NEGR1: variants seen among roughly 807,000 people sequenced by gnomAD.
The protein encoded by NEGR1 is neuronal growth regulator 1.
In NEGR1, 10 loss-of-function variants were observed where a neutral mutation model predicts 40.9. The observed-to-expected ratio is 0.24, with a 90% CI of 0.15 to 0.42. The LOEUF is 0.42. Ranked by LOEUF, NEGR1 falls within the 10% of genes least tolerant of loss-of-function variation. The pLI is 1.00. For missense variants in NEGR1, 352 were observed against 438.9 expected, an observed-to-expected ratio of 0.80 and a Z score of 1.77; for synonymous variants, 185 against 166.8, an observed-to-expected ratio of 1.11 and a Z score of -0.84.
chr1:71,937,135 T>C (rs1645913411), intron 1 of NEGR1, among the ~76,000 whole-genome samples: 2 of 152,116 alleles, frequency 1.3e-5, no homozygotes, highest in Admixed American at 6.6e-5. Flanking sequence ...ACAAGGTACA[T>C]TGCAGAATCT....
chr1:72,239,804 C>A (rs1204193692), intron 1 of NEGR1, among the ~76,000 whole-genome samples: 2 of 151,698 alleles, frequency 1.3e-5, no homozygotes, highest in African/African-American at 4.8e-5. Context: ...TGAGAAAAAT[C>A]TGACTCCTTC....
intron 1 of NEGR1, among the ~76,000 whole-genome samples, chr1:71,966,973 T>C (rs1199667217): frequency 6.6e-6 from 1 of 152,172 alleles, no homozygotes; most frequent in Non-Finnish European, 1.5e-5. Context: ...AATTTTACTA[T>C]AATTTTATAT....
chr1:72,204,407 C>G (rs1653322449), intron 1 of NEGR1, among the ~76,000 whole-genome samples: 1 of 152,024 alleles, frequency 6.6e-6, no homozygotes, highest in Non-Finnish European at 1.5e-5. Flanking sequence ...GAGAGGTAAG[C>G]CATCAGCCAA....
At chr1:71,923,972 G>C (rs567722071) in intron 2 of NEGR1, among the ~76,000 whole-genome samples, 81 of 151,050 alleles carry the variant, frequency 5.4e-4, no homozygotes, top group African/African-American at 1.9e-3. Context: ...GCAGTGGCAC[G>C]ATCACCACTC....
At chr1:71,777,134 T>A (rs1158151998) in intron 2 of NEGR1, among the ~76,000 whole-genome samples, 3 of 152,172 alleles carry the variant, frequency 2.0e-5, no homozygotes, top group Non-Finnish European at 2.9e-5. Context: ...TAAATTTCTA[T>A]ATTCTTTGAG....
intron 4 of NEGR1, among the ~76,000 whole-genome samples, chr1:71,675,546 C>CAGAGAGAGAGAG (rs1557608826): frequency 6.6e-6 from 1 of 151,716 alleles, no homozygotes; most frequent in Admixed American, 6.6e-5. Context: ...GAGAGAAAGA[C>CAGAGAGAGAGAG]AGACAGAGAG....
intron 4 of NEGR1, among the ~76,000 whole-genome samples, chr1:71,661,856 T>C (rs1204843498): frequency 6.6e-6 from 1 of 152,218 alleles, no homozygotes. Flanking sequence ...ATTAGGATTT[T>C]AGCCTCAGGA....
chr1:71,817,402 T>C (rs781146757), intron 2 of NEGR1, among the ~76,000 whole-genome samples: 1 of 152,080 alleles, frequency 6.6e-6, no homozygotes, highest in African/African-American at 2.4e-5. Flanking sequence ...AAAGCTTAGT[T>C]AGACGTTCAT....
At chr1:72,084,177 C>G (rs1181741893) in intron 1 of NEGR1, among the ~76,000 whole-genome samples, 1 of 152,058 alleles carries the variant, frequency 6.6e-6, no homozygotes, top group Admixed American at 6.6e-5. Context: ...TTTAAACACT[C>G]CTTTGAAAGG....
chr1:71,733,499 G>C (rs1037384981), intron 3 of NEGR1, among the ~76,000 whole-genome samples: 2 of 152,152 alleles, frequency 1.3e-5, no homozygotes, highest in Non-Finnish European at 2.9e-5. Context: ...CCTCCAGTTT[G>C]TTAAAATTGT....
chr1:71,628,700 T>C (rs1447760612), intron 4 of NEGR1, among the ~76,000 whole-genome samples: 2 of 151,952 alleles, frequency 1.3e-5, no homozygotes, highest in African/African-American at 4.8e-5. Context: ...TTGCTGAGAA[T>C]GATGGTTTCC....
intron 1 of NEGR1, among the ~76,000 whole-genome samples, chr1:72,191,785 A>T (rs1478259815): frequency 6.6e-6 from 1 of 151,376 alleles, no homozygotes; most frequent in African/African-American, 2.4e-5. Context: ...TTGTAAGGCC[A>T]TTCATATCAA....
intron 6 of NEGR1, among the ~76,000 whole-genome samples, chr1:71,491,346 C>A (rs565002026): frequency 6.6e-4 from 100 of 152,078 alleles, no homozygotes; most frequent in African/African-American, 2.2e-3. Context: ...GTCTGAGAAC[C>A]ATTCCCCTGA....
intron 6 of NEGR1, among the ~76,000 whole-genome samples, chr1:71,467,220 A>G (rs1333698246): frequency 1.3e-5 from 2 of 152,096 alleles, no homozygotes; most frequent in African/African-American, 4.8e-5. Flanking sequence ...TAAATTTAGA[A>G]CTAGAATTTT....
At chr1:72,000,797 T>C (rs185619271) in intron 1 of NEGR1, among the ~76,000 whole-genome samples, 2 of 152,170 alleles carry the variant, frequency 1.3e-5, no homozygotes, top group Non-Finnish European at 2.9e-5. Context: ...TCATTTATTT[T>C]ATATTCTCAG....
chr1:72,229,447 A>C (rs1283181420), intron 1 of NEGR1, among the ~76,000 whole-genome samples: 1 of 148,926 alleles, frequency 6.7e-6, no homozygotes, highest in Non-Finnish European at 1.5e-5. Context: ...AATAATAATT[A>C]TATAATAAAA....
At chr1:71,444,359 G>T (rs572473573) in intron 6 of NEGR1, among the ~76,000 whole-genome samples, 86 of 152,160 alleles carry the variant, frequency 5.7e-4, no homozygotes, top group African/African-American at 2.0e-3. Flanking sequence ...TTAAATGAAT[G>T]GGCATGGCTA....
intron 1 of NEGR1, among the ~76,000 whole-genome samples, chr1:72,178,215 A>T (rs542594409): frequency 2.1e-4 from 32 of 152,074 alleles, no homozygotes; most frequent in African/African-American, 7.0e-4. Context: ...TGACCATTGC[A>T]TTCCCTATTA....
At chr1:71,559,019 G>GTGTGTGTATATATATA (rs377263417) in intron 6 of NEGR1, among the ~76,000 whole-genome samples, 1 of 114,050 alleles carries the variant, frequency 8.8e-6, no homozygotes, top group Non-Finnish European at 1.8e-5. Context: ...CTGTGTGTGT[G>GTGTGTGTATATATATA]TATATATATA....
Sources: gnomAD v4.1 joint callset for allele counts (sites outside exome capture counted in the v4.1 genomes callset) on GRCh38, gnomAD v4.1.1 for gene constraint, MANE v1.5 for transcripts, NCBI Gene and HGNC (gene_info 2026-07-23, HGNC 2026-07-21) for gene names.